The following SGCZ variants were observed in gnomAD, a reference collection of about 807,000 sequenced individuals.
SGCZ encodes the protein zeta-sarcoglycan.
SGCZ carries 40 observed loss-of-function variants against 41.3 expected under a neutral mutation model. The observed-to-expected ratio is 0.97, with a 90% CI of 0.75 to 1.26. The LOEUF (loss-of-function observed/expected upper bound fraction) is 1.26. Ranked by LOEUF, SGCZ falls within the 50% of genes most tolerant of loss-of-function variation. The probability of loss-of-function intolerance (pLI) is 0.00; values close to 1 mark genes in which losing one functional copy is unlikely to be tolerated. For synonymous variants in SGCZ, 206 were observed against 137.5 expected (o/e 1.50, Z -3.49); for missense variants, 552 against 369.8 (o/e 1.49, Z -4.04).
intron 1 of SGCZ, among the ~76,000 whole-genome samples, chr8:15,232,209 A>C (rs1801965369): frequency 6.6e-6 from 1 of 152,246 alleles, no homozygotes; most frequent in Non-Finnish European, 1.5e-5. Context: ...CATAAGAAAC[A>C]GCGCACTAAA....
chr8:14,559,573 A>C (rs935375793), intron 1 of SGCZ, among the ~76,000 whole-genome samples: 1 of 152,076 alleles, frequency 6.6e-6, no homozygotes, highest in African/African-American at 2.4e-5. Context: ...CAATCTACAA[A>C]TTCAATGTTG....
chr8:14,214,860 T>C (rs4831551), intron 4 of SGCZ, among the ~76,000 whole-genome samples: 114,788 of 152,036 alleles, frequency 0.76, 44,399 homozygotes, highest in African/African-American at 0.91. Flanking sequence ...ATCTTCACAA[T>C]ATATGAAGTA....
chr8:14,101,598 G>T (rs1034976079), intron 7 of SGCZ, among the ~76,000 whole-genome samples: 3 of 80,678 alleles, frequency 3.7e-5, no homozygotes, highest in Non-Finnish European at 1.3e-4. Context: ...AATTCTTGGG[G>T]AATAAAGGTA....
chr8:15,219,907 T>A (rs986459608), intron 1 of SGCZ, among the ~76,000 whole-genome samples: 5 of 152,050 alleles, frequency 3.3e-5, no homozygotes, highest in Admixed American at 3.3e-4. Flanking sequence ...TGAGATAAAA[T>A]AAACAAAAAA....
chr8:14,189,666 C>G (rs578204069), intron 4 of SGCZ, among the ~76,000 whole-genome samples: 2 of 152,200 alleles, frequency 1.3e-5, no homozygotes, highest in South Asian at 4.1e-4. Context: ...GAGAAACTTG[C>G]TATGTCCTTT....
At chr8:14,616,609 A>G (rs902856979) in intron 1 of SGCZ, among the ~76,000 whole-genome samples, 2 of 152,136 alleles carry the variant, frequency 1.3e-5, no homozygotes, top group Non-Finnish European at 2.9e-5. Context: ...CTCTTTATAA[A>G]TAAACTTGGT....
intron 1 of SGCZ, among the ~76,000 whole-genome samples, chr8:14,831,806 A>ATATATGTGTACACATACATGTG (rs1373430116): frequency 7.4e-6 from 1 of 134,990 alleles, no homozygotes; most frequent in Non-Finnish European, 1.6e-5. Context: ...ACATACATGT[A>ATATATGTGTACACATACATGTG]TATATGTGTG....
In SGCZ at chr8:14,463,899, T is replaced by G. The variant is rs919873537; in HGVS notation, c.234+90833A>C. 5.5e-5 allele frequency among the ~76,000 whole-genome samples: 8 copies of G among 145,754 alleles called. No homozygotes were observed. The East Asian group carries it at 1.5e-3, about 28-fold the overall frequency. On this transcript the variant is annotated intron_variant, in intron 2 of 7. Coordinates refer to ENST00000382080, the MANE Select transcript of SGCZ (RefSeq NM_139167.4). ...ATGATCATGTGTTTTTCTGCCTTCA[T>G]TCTCTTTAGGTGGTGTGTTACCTTG...
intron 2 of SGCZ, among the ~76,000 whole-genome samples, chr8:14,409,449 C>T (rs1022294100): frequency 3.3e-5 from 5 of 151,346 alleles, no homozygotes; most frequent in South Asian, 2.1e-4. Context: ...AGACACTCAG[C>T]GTTTGGTAAT....
intron 7 of SGCZ, among the ~76,000 whole-genome samples, chr8:14,097,258 T>A (rs1005962018): frequency 1.3e-5 from 2 of 152,230 alleles, no homozygotes; most frequent in African/African-American, 4.8e-5. Context: ...CTCTACACAG[T>A]GCTTTATGTG....
intron 1 of SGCZ, among the ~76,000 whole-genome samples, chr8:14,982,100 G>A (rs1489632746): frequency 6.6e-6 from 1 of 151,392 alleles, no homozygotes; most frequent in Non-Finnish European, 1.5e-5. Flanking sequence ...CAGTGAGCCA[G>A]GATCACGCCA....
chr8:15,142,591 C>T (rs1250627762), intron 1 of SGCZ, among the ~76,000 whole-genome samples: 1 of 151,904 alleles, frequency 6.6e-6, no homozygotes, highest in Non-Finnish European at 1.5e-5. Context: ...CCCCAATTAC[C>T]ATCCAGTCTT....
intron 2 of SGCZ, among the ~76,000 whole-genome samples, chr8:14,450,356 C>T (rs1014138824): frequency 6.6e-6 from 1 of 152,172 alleles, no homozygotes; most frequent in African/African-American, 2.4e-5. Context: ...TCAGCCTCCA[C>T]AGGAGAATTA....
chr8:14,153,958 C>G (rs373242442), intron 5 of SGCZ, among the ~76,000 whole-genome samples: 1 of 137,966 alleles, frequency 7.2e-6, no homozygotes, highest in Non-Finnish European at 1.6e-5. Flanking sequence ...CACACACACA[C>G]ACATATATAT....
At chr8:14,615,893 T>G (rs192254044) in intron 1 of SGCZ, among the ~76,000 whole-genome samples, 1 of 152,198 alleles carries the variant, frequency 6.6e-6, no homozygotes, top group Non-Finnish European at 1.5e-5. Flanking sequence ...TATTCTCTCC[T>G]ATCTCATTCC....
intron 4 of SGCZ, among the ~76,000 whole-genome samples, chr8:14,233,184 G>C (rs552795608): frequency 3.3e-5 from 5 of 151,882 alleles, no homozygotes; most frequent in Admixed American, 2.6e-4. Flanking sequence ...TTATCCTTCA[G>C]CTATAGACTG....
intron 1 of SGCZ, among the ~76,000 whole-genome samples, chr8:14,748,063 T>C (rs961911460): frequency 1.3e-5 from 2 of 151,988 alleles, no homozygotes; most frequent in Non-Finnish European, 2.9e-5. Context: ...ATGACTCTTA[T>C]CTCCAAAAGG....
chr8:14,639,197 A>C (rs960747850), intron 1 of SGCZ, among the ~76,000 whole-genome samples: 1 of 151,462 alleles, frequency 6.6e-6, no homozygotes, highest in Non-Finnish European at 1.5e-5. Flanking sequence ...GAGAGACTGG[A>C]AAAGTGCTAA....
intron 4 of SGCZ, among the ~76,000 whole-genome samples, chr8:14,234,963 CATAAT>C (rs1258391630): frequency 6.6e-6 from 1 of 152,152 alleles, no homozygotes; most frequent in Non-Finnish European, 1.5e-5. Flanking sequence ...AGATTTCTCC[CATAAT>C]ATCACTGTAT....
Sources: gnomAD v4.1 joint callset for allele counts (sites outside exome capture counted in the v4.1 genomes callset) on GRCh38, gnomAD v4.1.1 for gene constraint, MANE v1.5 for transcripts, NCBI Gene and HGNC (gene_info 2026-07-23, HGNC 2026-07-21) for gene names.